Variants in RANBP2 observed in about 807,000 individuals in gnomAD.
RANBP2 encodes E3 SUMO-protein ligase RanBP2.
Under a neutral mutation model 303.6 loss-of-function variants are expected in RANBP2, and 57 were observed. The ratio of observed to expected loss-of-function variants is 0.19; its 90% CI spans 0.15 to 0.23. The LOEUF is 0.23. RANBP2 is among the 10% of genes least tolerant of loss of function. RANBP2 has a pLI of 1.00. For synonymous variants in RANBP2, 1,167 were observed against 1,301.5 expected (o/e 0.90, Z 2.23); for missense variants, 3,138 against 3,780.8 (o/e 0.83, Z 4.46).
intron 1 of RANBP2, among the ~76,000 whole-genome samples, chr2:108,722,445 G>T (rs1694337646): frequency 6.6e-6 from 1 of 151,698 alleles, no homozygotes; most frequent in Non-Finnish European, 1.5e-5. Flanking sequence ...TGGCTGTGAA[G>T]AATATGAAGA....
chr2:109,099,665 A>C, the RANBP2 span, among the ~76,000 whole-genome samples: 1 of 151,932 alleles, frequency 6.6e-6, no homozygotes, highest in South Asian at 2.1e-4. Flanking sequence ...TGGCTCTTAT[A>C]AGGGGTGGAG....
the RANBP2 span, among the ~76,000 whole-genome samples, chr2:109,315,715 C>G: frequency 6.6e-6 from 1 of 152,070 alleles, no homozygotes; most frequent in Non-Finnish European, 1.5e-5. Flanking sequence ...CCCAGGGTTC[C>G]TCTGGGGCTC....
the RANBP2 span, among the ~76,000 whole-genome samples, chr2:109,364,149 C>T: frequency 1.3e-5 from 2 of 151,088 alleles, no homozygotes; most frequent in South Asian, 2.1e-4. Context: ...TTCTTGGATG[C>T]TCCATTATGG....
the RANBP2 span, chr2:109,617,053 G>C: frequency 6.0e-6 from 1 of 166,940 alleles, no homozygotes; most frequent in African/African-American, 2.4e-5. Flanking sequence ...ATTGGCCTAA[G>C]TATTCATGAG....
chr2:108,844,231 T>C, the RANBP2 span, among the ~76,000 whole-genome samples: 1 of 152,170 alleles, frequency 6.6e-6, no homozygotes, highest in Non-Finnish European at 1.5e-5. Context: ...TTTAGATGTT[T>C]TGCTATTCCT....
At chr2:108,810,677 G>A in the RANBP2 span, among the ~76,000 whole-genome samples, 1 of 152,168 alleles carries the variant, frequency 6.6e-6, no homozygotes, top group African/African-American at 2.4e-5. Flanking sequence ...TTTGTACAAT[G>A]AGTTTGGAAG....
chr2:108,858,074 T>C, the RANBP2 span, among the ~76,000 whole-genome samples: 1 of 152,224 alleles, frequency 6.6e-6, no homozygotes, highest in Non-Finnish European at 1.5e-5. Flanking sequence ...CCAGGTGCAG[T>C]GGCTCATGCC....
At chr2:109,729,300 G>A in the RANBP2 span, among the ~76,000 whole-genome samples, 3 of 152,222 alleles carry the variant, frequency 2.0e-5, no homozygotes, top group South Asian at 6.2e-4. Context: ...ACCCAAACAT[G>A]TTTTCATGAC....
chr2:109,533,696 G>A, the RANBP2 span, among the ~76,000 whole-genome samples: 1 of 152,186 alleles, frequency 6.6e-6, no homozygotes, highest in East Asian at 1.9e-4. Context: ...ACAGCACTGT[G>A]AACCCACTTA....
chr2:108,871,370 TAAAA>T, the RANBP2 span, among the ~76,000 whole-genome samples: 3 of 76,670 alleles, frequency 3.9e-5, no homozygotes, highest in African/African-American at 1.5e-4. Flanking sequence ...CCAACTCTAT[TAAAA>T]AAAAAAAAAA....
chr2:109,277,212 G>C, the RANBP2 span, among the ~76,000 whole-genome samples: 1 of 152,254 alleles, frequency 6.6e-6, no homozygotes, highest in African/African-American at 2.4e-5. Flanking sequence ...ATCTGTGCCT[G>C]GTGTGCCCTG....
chr2:108,886,549 G>C, the RANBP2 span, among the ~76,000 whole-genome samples: 1 of 152,068 alleles, frequency 6.6e-6, no homozygotes, highest in South Asian at 2.1e-4. Context: ...CGAGTAGCTG[G>C]GACTACAGGC....
chr2:108,763,762 C>A lies in RANBP2; in HGVS notation c.3223C>A (p.Pro1075Thr), dbSNP rs561073854. The A allele has an allele frequency of 1.2e-6, 2 of 1,613,966 alleles. No individual in the cohort carries two copies. Among genetic ancestry groups the A allele is most frequent in the Non-Finnish European group, 8.5e-7 (1 of 1,179,980 alleles). The change falls in exon 20 of 29, where the codon CCC (proline) becomes ACC (threonine). Residue 1075 changes from proline to threonine, a missense_variant. Coordinates refer to ENST00000283195, the MANE Select transcript of RANBP2 (RefSeq NM_006267.5). The part of the protein sequence containing the change: ...SLLGLLTSDK[P>T]LQGDGYSGAK... ...TTTAGGTCTCCTGACTTCAGATAAACCCTTGCAAGGAGATGGCTATAGTGG... is the reference window on the plus strand; with the variant it reads ...TTTAGGTCTCCTGACTTCAGATAAAACCTTGCAAGGAGATGGCTATAGTGG...
At chr2:109,669,569 G>A in the RANBP2 span, among the ~76,000 whole-genome samples, 1 of 152,170 alleles carries the variant, frequency 6.6e-6, no homozygotes, top group Non-Finnish European at 1.5e-5. Flanking sequence ...GGAACTACTG[G>A]AACTCTCTTA....
the RANBP2 span, among the ~76,000 whole-genome samples, chr2:108,973,164 T>G: frequency 6.6e-6 from 1 of 152,152 alleles, no homozygotes; most frequent in Non-Finnish European, 1.5e-5. Context: ...TTTTTTGTAT[T>G]TTTAGTAGAG....
At chr2:109,192,427 C>T in the RANBP2 span, among the ~76,000 whole-genome samples, 26 of 152,252 alleles carry the variant, frequency 1.7e-4, no homozygotes, top group Admixed American at 6.5e-4. Flanking sequence ...ATTAACTTCC[C>T]AATTATTAAG....
the RANBP2 span, among the ~76,000 whole-genome samples, chr2:108,829,882 TTAAAACA>T: frequency 2.0e-5 from 3 of 152,290 alleles, no homozygotes; most frequent in Admixed American, 6.5e-5. Context: ...CTTCAAAAAC[TTAAAACA>T]TAGAATTACC....
At chr2:109,761,307 A>C in the RANBP2 span, among the ~76,000 whole-genome samples, 15 of 149,826 alleles carry the variant, frequency 1.0e-4, no homozygotes, top group East Asian at 3.0e-3. Flanking sequence ...GTGAACATCC[A>C]GGGCGGGAAA....
chr2:109,294,550 G>A, the RANBP2 span, among the ~76,000 whole-genome samples: 1 of 140,608 alleles, frequency 7.1e-6, no homozygotes, highest in African/African-American at 2.7e-5. Flanking sequence ...GATAGAGGGA[G>A]ACTCAGTCTC....
Sources: gnomAD v4.1 joint callset for allele counts (sites outside exome capture counted in the v4.1 genomes callset) on GRCh38, gnomAD v4.1.1 for gene constraint, MANE v1.5 for transcripts, NCBI Gene and HGNC (gene_info 2026-07-23, HGNC 2026-07-21) for gene names.